Variants in CACNA2D1 observed in about 807,000 individuals in gnomAD.
CACNA2D1 encodes the protein calcium voltage-gated channel auxiliary subunit alpha2delta 1, also known as voltage-dependent calcium channel subunit alpha-2/delta-1.
In CACNA2D1, 53 loss-of-function variants were observed where a neutral mutation model predicts 171.5. That is an observed-to-expected ratio of 0.31 (90% confidence interval 0.25 to 0.39). The LOEUF (loss-of-function observed/expected upper bound fraction) is 0.39. CACNA2D1 is among the 10% of genes least tolerant of loss of function. The probability of loss-of-function intolerance (pLI) is 1.00; values close to 1 mark genes in which losing one functional copy is unlikely to be tolerated. For missense variants in CACNA2D1, 903 were observed against 1,299.8 expected, an observed-to-expected ratio of 0.69 and a Z score of 4.69; for synonymous variants, 442 against 443.1, an observed-to-expected ratio of 1.00 and a Z score of 0.03.
chr7:82,151,205 G>T (rs920639320), intron 4 of CACNA2D1, among the ~76,000 whole-genome samples: 1 of 152,144 alleles, frequency 6.6e-6, no homozygotes, highest in East Asian at 1.9e-4. Flanking sequence ...GCAAGGAAAG[G>T]GAATTCTGTG....
At chr7:82,400,216 T>G (rs940123176) in intron 1 of CACNA2D1, among the ~76,000 whole-genome samples, 11 of 151,490 alleles carry the variant, frequency 7.3e-5, no homozygotes, top group Non-Finnish European at 1.3e-4. Flanking sequence ...AACTTTAAAG[T>G]AGTTTTTTCC....
intron 5 of CACNA2D1, among the ~76,000 whole-genome samples, chr7:82,120,047 G>A (rs950570014): frequency 2.6e-5 from 4 of 152,118 alleles, no homozygotes; most frequent in Admixed American, 6.6e-5. Flanking sequence ...GCCTGGCATC[G>A]TGGTATGTTC....
intron 3 of CACNA2D1, among the ~76,000 whole-genome samples, chr7:82,276,774 G>T (rs138663667): frequency 0.12 from 17,663 of 144,188 alleles, 1,539 homozygotes; most frequent in African/African-American, 0.25. Context: ...TTTTTAGACA[G>T]AGTCTCATTC....
intron 1 of CACNA2D1, among the ~76,000 whole-genome samples, chr7:82,390,824 T>C (rs1825040942): frequency 6.6e-6 from 1 of 152,104 alleles, no homozygotes; most frequent in African/African-American, 2.4e-5. Flanking sequence ...GTTATAAAAA[T>C]GAAAAAAATT....
At chr7:82,416,781 G>A (rs189466318) in intron 1 of CACNA2D1, among the ~76,000 whole-genome samples, 55 of 152,238 alleles carry the variant, frequency 3.6e-4, no homozygotes, top group African/African-American at 1.1e-3. Flanking sequence ...AGTACTGGGG[G>A]TTAGAAATTC....
intron 1 of CACNA2D1, among the ~76,000 whole-genome samples, chr7:82,417,105 C>T (rs1828252202): frequency 6.6e-6 from 1 of 152,278 alleles, no homozygotes; most frequent in East Asian, 1.9e-4. Flanking sequence ...TATATAGTTT[C>T]ACTACATGTT....
At chr7:82,358,351 GTAT>G (rs1245960151) in intron 1 of CACNA2D1, among the ~76,000 whole-genome samples, 1 of 152,160 alleles carries the variant, frequency 6.6e-6, no homozygotes, top group African/African-American at 2.4e-5. Context: ...AATTGTTTTG[GTAT>G]AAAGGGAGTG....
chr7:82,077,530 T>C lies in CACNA2D1; in HGVS notation c.658+7239A>G, dbSNP rs185023280. Among the ~76,000 whole-genome samples, 274 of 152,300 alleles carry C rather than the reference T, an allele frequency of 1.8e-3. 1 individual carries two copies. Among genetic ancestry groups the C allele is most frequent in the Non-Finnish European group, 2.0e-3 (133 of 68,016 alleles). On this transcript the variant is annotated intron_variant, in intron 7 of 38. Transcript: ENST00000356860. ...TGTAGTTTCCCTACCTGCCCCAGTC[T>C]ACGTTAACTCTGATTGACATGAGTA...
chr7:82,350,692 C>A (rs751528539), intron 1 of CACNA2D1, among the ~76,000 whole-genome samples: 11 of 151,856 alleles, frequency 7.2e-5, no homozygotes, highest in Non-Finnish European at 1.2e-4. Flanking sequence ...ACAACAACAA[C>A]AAAAAAATTA....
At chr7:81,986,466 A>G (rs1360810290) in intron 21 of CACNA2D1, among the ~76,000 whole-genome samples, 1 of 152,112 alleles carries the variant, frequency 6.6e-6, no homozygotes, top group Admixed American at 6.6e-5. Flanking sequence ...TGGATATCCT[A>G]ACATCATTAT....
intron 1 of CACNA2D1, among the ~76,000 whole-genome samples, chr7:82,431,325 A>C (rs1829654729): frequency 6.6e-6 from 1 of 152,228 alleles, no homozygotes; most frequent in Admixed American, 6.5e-5. Flanking sequence ...AAACCACATA[A>C]GGCACACATA....
chr7:82,177,472 A>G (rs1030497546), intron 3 of CACNA2D1, among the ~76,000 whole-genome samples: 1 of 152,128 alleles, frequency 6.6e-6, no homozygotes, highest in Non-Finnish European at 1.5e-5. Flanking sequence ...TCACCCTTTC[A>G]AGGTTTGGAT....
At chr7:82,087,694 A>C (rs894880116) in intron 6 of CACNA2D1, among the ~76,000 whole-genome samples, 55 of 152,146 alleles carry the variant, frequency 3.6e-4, no homozygotes, top group African/African-American at 1.3e-3. Flanking sequence ...TTGACTAATA[A>C]ACCTATATTA....
At chr7:82,387,261 T>C (rs1043135072) in intron 1 of CACNA2D1, among the ~76,000 whole-genome samples, 5 of 152,194 alleles carry the variant, frequency 3.3e-5, no homozygotes, top group African/African-American at 9.6e-5. Context: ...TGTTGTGATG[T>C]ATCTCTTGGA....
intron 27 of CACNA2D1, 39 bp from the exon 28 acceptor site, chr7:81,970,023 T>G (rs1795101078): frequency 1.7e-6 from 2 of 1,173,392 alleles, no homozygotes; most frequent in Non-Finnish European, 2.6e-6. Context: ...TTCTTTAATC[T>G]ACCTGATAAC....
At position 82,115,094 on chromosome 7, in the gene CACNA2D1, G is replaced by T. The variant is rs371546309; in HGVS notation, c.526+1950C>A. Among the ~76,000 whole-genome samples the T allele has an allele frequency of 4.6e-5, 7 of 152,206 alleles. No homozygotes were observed. The East Asian group carries it at 9.7e-4, about 21-fold the overall frequency. Reference sequence around the variant, plus strand: ...CTTCAGTTTTCTTCAACAGAGTAACGCAGGTTGAAAAGCAGTGCCATGATG... The same window carrying T: ...CTTCAGTTTTCTTCAACAGAGTAACTCAGGTTGAAAAGCAGTGCCATGATG... On this transcript the variant is annotated intron_variant, in intron 6 of 38. Coordinates refer to ENST00000356860, the MANE Select transcript of CACNA2D1 (RefSeq NM_000722.4).
chr7:82,414,249 T>C (rs1827953432), intron 1 of CACNA2D1, among the ~76,000 whole-genome samples: 1 of 152,156 alleles, frequency 6.6e-6, no homozygotes, highest in South Asian at 2.1e-4. Flanking sequence ...TCTACAGTCT[T>C]CAAAGTATTC....
At position 82,084,835 on chromosome 7, in the gene CACNA2D1, C is replaced by G; in HGVS notation, c.592G>C (p.Glu198Gln). Reference protein sequence around the residue: ...ALDEVFKKNREEDPSLLWQVF... With the variant: ...ALDEVFKKNRQEDPSLLWQVF... ...TGCCACAATAATGAAGGGTCTTCCT[C>G]GCGATTCTTTTTGAAAACTTCATCT... The change falls in exon 7 of 39, where the codon GAG becomes CAG. Residue 198 changes from glutamate to glutamine, a missense_variant. By Grantham distance (29) the Glu-to-Gln change is conservative. Around this residue, in one of 5 missense-constraint regions of CACNA2D1, gnomAD observed 189 missense variants for 266.8 expected, o/e 0.71. Transcript: ENST00000356860. The G allele has an allele frequency of 6.2e-7, 1 of 1,613,888 alleles. No homozygotes were observed. The highest frequency in any genetic ancestry group is 8.5e-7 in the Non-Finnish European group (1 of 1,179,826).
chr7:82,276,791 C>T (rs1292384101), intron 3 of CACNA2D1, among the ~76,000 whole-genome samples: 1 of 151,094 alleles, frequency 6.6e-6, no homozygotes, highest in East Asian at 1.9e-4. Context: ...ATTCTGTCGC[C>T]AGGCTTTAGT....
Sources: allele counts gnomAD v4.1 joint callset (sites outside exome capture counted in the v4.1 genomes callset), GRCh38; gene constraint gnomAD v4.1.1; regional missense constraint gnomAD v4.1.1; transcripts MANE v1.5; gene names NCBI Gene and HGNC (gene_info 2026-07-23, HGNC 2026-07-21).